Variants in CNOT4 observed in about 807,000 individuals in gnomAD.
The protein encoded by CNOT4 is CCR4-associated factor 4.
A neutral mutation model predicts 73.8 loss-of-function variants in CNOT4; 8 were observed. The ratio of observed to expected loss-of-function variants is 0.11; its 90% CI spans 0.06 to 0.20. The LOEUF (loss-of-function observed/expected upper bound fraction) is 0.20. Among genes scored for constraint, CNOT4 ranks in the 10% least tolerant of loss-of-function variants. The pLI, the probability that CNOT4 is intolerant of heterozygous loss-of-function variation, is 1.00. For synonymous variants in CNOT4, 293 were observed against 321.1 expected, an observed-to-expected ratio of 0.91 and a Z score of 0.94; for missense variants, 564 against 883.4, an observed-to-expected ratio of 0.64 and a Z score of 4.58.
chr7:135,437,383 G>A (rs1291746204), intron 2 of CNOT4, among the ~76,000 whole-genome samples: 1 of 152,112 alleles, frequency 6.6e-6, no homozygotes, highest in East Asian at 1.9e-4. Flanking sequence ...TAGAGACAGG[G>A]TTTCACTGTG....
intron 1 of CNOT4, chr7:135,444,933 C>A (rs1254336731): frequency 1.7e-5 from 27 of 1,585,206 alleles, no homozygotes; most frequent in Non-Finnish European, 1.4e-5. Context: ...GAAGCTCTGA[C>A]CTTTTTGACT....
chr7:135,453,967 A>C (rs1488630934), intron 1 of CNOT4, among the ~76,000 whole-genome samples: 1 of 141,470 alleles, frequency 7.1e-6, no homozygotes, highest in Non-Finnish European at 1.5e-5. Context: ...GCGAAACCCT[A>C]TCTCTATAAA....
chr7:135,464,619 T>C (rs1801107328), intron 1 of CNOT4, among the ~76,000 whole-genome samples: 1 of 152,140 alleles, frequency 6.6e-6, no homozygotes, highest in African/African-American at 2.4e-5. Flanking sequence ...TGATGTGACA[T>C]GTGTTTACCT....
At chr7:135,454,634 C>G (rs1270301346) in intron 1 of CNOT4, among the ~76,000 whole-genome samples, 1 of 150,744 alleles carries the variant, frequency 6.6e-6, no homozygotes, top group African/African-American at 2.4e-5. Flanking sequence ...AGAGTAAAAG[C>G]CTGTCTCAAA....
At position 135,448,509 on chromosome 7, in the gene CNOT4, G is replaced by GAC. The variant is rs1799967403; in HGVS notation, c.-92-10088_-92-10087dup. Among the ~76,000 whole-genome samples the GAC allele has an allele frequency of 2.3e-5, 3 of 131,738 alleles. No individual in the cohort carries two copies. In the South Asian group the frequency reaches 8.1e-4, roughly 36 times the overall value. The allele number at this position is 131,738 out of a possible 152,430, so 86.4% of individuals were successfully genotyped here. On this transcript the variant is annotated intron_variant, in intron 1 of 11. Coordinates refer to ENST00000541284, the MANE Select transcript of CNOT4 (RefSeq NM_001190850.2). ...CGGTGAGCAGAGAATCAGCCTGGGT[G>GAC]ACAGAGCAACTCTGTCAAAAAAAGA...
At chr7:135,490,828 T>A (rs1399014785) in intron 1 of CNOT4, among the ~76,000 whole-genome samples, 1 of 152,244 alleles carries the variant, frequency 6.6e-6, no homozygotes, top group African/African-American at 2.4e-5. Flanking sequence ...GCTGTGTTAA[T>A]AACAGACTAC....
chr7:135,456,457 G>A (rs1800534823), intron 1 of CNOT4, among the ~76,000 whole-genome samples: 3 of 151,854 alleles, frequency 2.0e-5, no homozygotes, highest in Middle Eastern at 3.4e-3. Context: ...TACATATTAG[G>A]CAAATGGTTT....
Position 135,421,775 on chromosome 7 carries a change from C to A in CNOT4, c.372+381G>T, listed in dbSNP as rs1338967591. Among the ~76,000 whole-genome samples the A allele has an allele frequency of 3.3e-5, 5 of 152,176 alleles. No homozygotes were observed. In the East Asian group the frequency reaches 7.7e-4, roughly 23 times the overall value. On this transcript the variant is annotated intron_variant, in intron 3 of 11. Transcript: ENST00000541284. ...AGGTTACTAAAATCTCTAGTGAGTTCAAACAACTGCACCTCCACTGTTGGT... is the reference window on the plus strand; with the variant it reads ...AGGTTACTAAAATCTCTAGTGAGTTAAAACAACTGCACCTCCACTGTTGGT...
intron 7 of CNOT4, among the ~76,000 whole-genome samples, chr7:135,406,954 G>C (rs1797326099): frequency 6.6e-6 from 1 of 152,210 alleles, no homozygotes; most frequent in Admixed American, 6.5e-5. Context: ...ATCTCCTGTT[G>C]AATTATAATC....
chr7:135,393,299 TAA>T (rs1796495337), intron 10 of CNOT4, among the ~76,000 whole-genome samples: 1 of 152,154 alleles, frequency 6.6e-6, no homozygotes, highest in Non-Finnish European at 1.5e-5. Context: ...TCCCCAGAAA[TAA>T]AAACATGGCA....
At chr7:135,500,529 G>A (rs1034480298) in intron 1 of CNOT4, among the ~76,000 whole-genome samples, 6 of 151,978 alleles carry the variant, frequency 3.9e-5, no homozygotes, top group Non-Finnish European at 5.9e-5. Context: ...AAACATATAC[G>A]GCTGATGTTT....
At chr7:135,435,781 A>G (rs1799119735) in intron 2 of CNOT4, among the ~76,000 whole-genome samples, 1 of 152,182 alleles carries the variant, frequency 6.6e-6, no homozygotes, top group Admixed American at 6.5e-5. Flanking sequence ...TTGTGACTGT[A>G]GCAAAGACAT....
chr7:135,464,448 C>G (rs1236652880), intron 1 of CNOT4, among the ~76,000 whole-genome samples: 4 of 152,126 alleles, frequency 2.6e-5, no homozygotes, highest in Non-Finnish European at 1.5e-5. Flanking sequence ...CAGCCAAATA[C>G]TGCATGTTCT....
intron 1 of CNOT4, among the ~76,000 whole-genome samples, chr7:135,502,323 C>T (rs1402732274): frequency 1.3e-5 from 2 of 152,202 alleles, no homozygotes; most frequent in African/African-American, 4.8e-5. Flanking sequence ...TTCAGGAAGC[C>T]TCACTCCTAG....
At chr7:135,415,887 G>A (rs113543810) in intron 3 of CNOT4, among the ~76,000 whole-genome samples, 22 of 151,756 alleles carry the variant, frequency 1.4e-4, no homozygotes, top group African/African-American at 4.1e-4. Flanking sequence ...TTCCTGGTAC[G>A]TAACATTTCG....
chr7:135,433,371 T>TTTTTTC (rs1563047661), intron 2 of CNOT4, among the ~76,000 whole-genome samples: 15 of 146,564 alleles, frequency 1.0e-4, no homozygotes, highest in Admixed American at 2.0e-4. Context: ...TTTTTTTTTT[T>TTTTTTC]CTTGAGGTAG....
chr7:135,499,141 T>TC (rs1371878295), intron 1 of CNOT4, among the ~76,000 whole-genome samples: 1 of 152,102 alleles, frequency 6.6e-6, no homozygotes, highest in Non-Finnish European at 1.5e-5. Flanking sequence ...CTTTCCAGTT[T>TC]CCCCTGCTCT....
chr7:135,402,425 T>C (rs1027824173), intron 7 of CNOT4, among the ~76,000 whole-genome samples: 7 of 152,128 alleles, frequency 4.6e-5, no homozygotes, highest in Admixed American at 6.6e-5. Context: ...ACATATTTCT[T>C]AGGAGGAAAT....
chr7:135,370,596 G>A (rs1345828665), intron 10 of CNOT4, among the ~76,000 whole-genome samples: 3 of 152,200 alleles, frequency 2.0e-5, no homozygotes, highest in Admixed American at 2.0e-4. Context: ...CCGCTGAAAA[G>A]CCTGATGGGG....
Sources: gnomAD v4.1 joint callset for allele counts (sites outside exome capture counted in the v4.1 genomes callset) on GRCh38, gnomAD v4.1.1 for gene constraint, MANE v1.5 for transcripts, NCBI Gene and HGNC (gene_info 2026-07-23, HGNC 2026-07-21) for gene names.